AGAP6: variants seen among roughly 807,000 people sequenced by gnomAD.
The protein encoded by AGAP6 is ArfGAP with GTPase domain, ankyrin repeat and PH domain 6.
AGAP6 carries 29 observed loss-of-function variants against 63.9 expected under a neutral mutation model. The observed-to-expected ratio is 0.45, with a 90% confidence interval of 0.34 to 0.62. The LOEUF (loss-of-function observed/expected upper bound fraction) is 0.62, where lower values mean the gene tolerates loss of function less well. Among genes scored for constraint, AGAP6 ranks in the 20% least tolerant of loss-of-function variants. AGAP6 has a pLI of 0.01. For synonymous variants in AGAP6, 199 were observed against 332.9 expected, an observed-to-expected ratio of 0.60 and a Z score of 4.38; for missense variants, 493 against 884.9, an observed-to-expected ratio of 0.56 and a Z score of 5.62.
chr10:49,998,708 G>T (rs1489292034), intron 4 of AGAP6, among the ~76,000 whole-genome samples: 1 of 141,892 alleles, frequency 7.0e-6, no homozygotes, highest in Non-Finnish European at 1.5e-5. Flanking sequence ...GTTCTTGTTT[G>T]GTCCATATAA....
At chr10:50,004,245 T>C (rs1443850741) in intron 5 of AGAP6, among the ~76,000 whole-genome samples, 1 of 148,234 alleles carries the variant, frequency 6.7e-6, no homozygotes, top group East Asian at 2.0e-4. Context: ...AGTCCCAGCT[T>C]CTTGGGAGGC....
intron 4 of AGAP6, among the ~76,000 whole-genome samples, chr10:49,996,789 G>C (rs1841508364): frequency 1.3e-5 from 2 of 151,076 alleles, no homozygotes; most frequent in Admixed American, 1.3e-4. Context: ...AGTGCCATTG[G>C]CCTGTAAGTT....
chr10:50,002,119 G>A (rs1345485325), intron 5 of AGAP6, 23 bp downstream of exon 5: 3 of 1,593,708 alleles, frequency 1.9e-6, no homozygotes, highest in Non-Finnish European at 2.6e-6. Context: ...ATGCTGCCGA[G>A]GGACAGATTC....
Position 50,009,241 on chromosome 10 carries a change from T to A in AGAP6, c.1116T>A (p.Gly372=). The change falls in exon 8 of 8, where the codon GGT becomes GGA. Residue 372 remains glycine (G), a synonymous_variant. Coordinates refer to ENST00000412531, the MANE Select transcript of AGAP6 (RefSeq NM_001077665.3). ...GLSKDMDTGL[G]DSICFSPSIS... ...CCAAGGACATGGACACCGGGCTGGG[T>A]GACTCCATATGCTTCAGCCCCAGTA... 6.2e-7 allele frequency: 1 copy of A among 1,614,142 alleles called. No individual in the cohort carries two copies. The highest frequency in any genetic ancestry group is 8.5e-7 in the Non-Finnish European group (1 of 1,180,024).
At chr10:50,005,029 G>GA (rs1554863617) in intron 6 of AGAP6, among the ~76,000 whole-genome samples, 1 of 152,156 alleles carries the variant, frequency 6.6e-6, no homozygotes, top group Non-Finnish European at 1.5e-5. Flanking sequence ...TTATGGGCTA[G>GA]ATAATGCTTT....
chr10:49,990,985 A>G (rs1240603123), intron 2 of AGAP6, among the ~76,000 whole-genome samples: 3 of 152,096 alleles, frequency 2.0e-5, no homozygotes, highest in African/African-American at 7.2e-5. Context: ...GTTACACACC[A>G]GTTAGTAGAT....
rs1375694457 is a variant in AGAP6, at chr10:49,999,646, A to T, written c.397-2350A>T. 5.5e-5 allele frequency among the ~76,000 whole-genome samples: 7 copies of T among 126,674 alleles called. 1 individual carries two copies. Among genetic ancestry groups the T allele is most frequent in the Admixed American group, 1.9e-4 (2 of 10,592 alleles). 83.1% of individuals were successfully genotyped at this position (126,674 alleles called of 152,430 possible). On this transcript the variant is annotated intron_variant, in intron 4 of 7. Coordinates refer to ENST00000412531, the MANE Select transcript of AGAP6 (RefSeq NM_001077665.3). ...CACACAAGAGAAAACAATAAAAGGC[A>T]TGCAGATCAGTAAAGAGGAAGTCAA...
chr10:50,001,958 C>T (rs1554862975), intron 4 of AGAP6, 38 bp from the exon 5 acceptor site: 3 of 1,607,840 alleles, frequency 1.9e-6, no homozygotes, highest in East Asian at 2.2e-5. Context: ...AAATAATACA[C>T]TTTGATAAGT....
Position 49,996,540 on chromosome 10 carries a change from A to G in AGAP6, c.396+2111A>G, listed in dbSNP as rs1202015710. Among the ~76,000 whole-genome samples, 94 of 151,806 alleles carry G rather than the reference A, an allele frequency of 6.2e-4. 1 individual carries two copies. The highest frequency in any genetic ancestry group is 2.2e-3 in the African/African-American group (91 of 41,332). On this transcript the variant is annotated intron_variant, in intron 4 of 7. Coordinates refer to ENST00000412531, the MANE Select transcript of AGAP6 (RefSeq NM_001077665.3). ...AAAGTAAAAGCAGGCCTGGAAAGGAAAAGCAGAGTTAGCGAAGAAAGTTGG... is the reference window on the plus strand; with the variant it reads ...AAAGTAAAAGCAGGCCTGGAAAGGAGAAGCAGAGTTAGCGAAGAAAGTTGG...
At chr10:49,990,349 G>A (rs1161760545) in intron 2 of AGAP6, among the ~76,000 whole-genome samples, 3 of 152,208 alleles carry the variant, frequency 2.0e-5, no homozygotes, top group South Asian at 2.1e-4. Flanking sequence ...CAAGGCTGAG[G>A]CAGGAGAATT....
chr10:49,990,177 G>A (rs1365599727), intron 2 of AGAP6, among the ~76,000 whole-genome samples: 4 of 152,142 alleles, frequency 2.6e-5, no homozygotes, highest in Non-Finnish European at 5.9e-5. Context: ...GGTGGCTCAC[G>A]CCTGTAATCC....
Position 50,005,609 on chromosome 10 carries a change from TAAAC to T in AGAP6, c.533+901_533+904del, listed in dbSNP as rs1255961062. Among the ~76,000 whole-genome samples the T allele has an allele frequency of 3.0e-4, 46 of 151,996 alleles. No individual in the cohort carries two copies. In the South Asian group the frequency reaches 5.2e-3, roughly 17 times the overall value. ...CTGGGTGACAGAGCAAGACTCTGTC[TAAAC>T]AAACAAACAAAAAAAGCAATAAGCT... On this transcript the variant is annotated intron_variant, in intron 6 of 7. Coordinates refer to ENST00000412531, the MANE Select transcript of AGAP6 (RefSeq NM_001077665.3).
chr10:49,991,391 T>TG (rs1554860860), intron 2 of AGAP6, among the ~76,000 whole-genome samples: 3 of 149,078 alleles, frequency 2.0e-5, no homozygotes, highest in South Asian at 4.2e-4. Flanking sequence ...TCTGTTTTTT[T>TG]TTTTTTTTTT....
At chr10:50,004,150 A>T (rs2132152458) in intron 5 of AGAP6, among the ~76,000 whole-genome samples, 1 of 150,866 alleles carries the variant, frequency 6.6e-6, no homozygotes, top group Admixed American at 6.6e-5. Flanking sequence ...ACACCATTGC[A>T]CTCCAGCCTG....
intron 4 of AGAP6, among the ~76,000 whole-genome samples, chr10:49,996,974 C>T (rs1162064230): frequency 1.4e-5 from 2 of 144,448 alleles, no homozygotes; most frequent in Non-Finnish European, 3.0e-5. Flanking sequence ...TGGGTGTAAC[C>T]TTTATTTTAT....
At chr10:50,008,272 T>C (rs139171183) in intron 7 of AGAP6, among the ~76,000 whole-genome samples, 196 bp downstream of exon 7, 9,688 of 150,850 alleles carry the variant, frequency 0.064, 434 homozygotes, top group African/African-American at 0.11. Context: ...TGAGTAAATA[T>C]ACTATCCAAA....
At position 50,009,819 on chromosome 10, in the gene AGAP6, G is replaced by A. The variant is rs201531094; in HGVS notation, c.1694G>A (p.Arg565Gln). ...AAGTCCACGAGGGAAGAGAAGGAAC[G>A]GTGGATCCGTTCCAAATATGAGGAG... ...SEKSTREEKE[R>Q]WIRSKYEEKL... Residue 565 changes from arginine (R) to glutamine (Q), a missense_variant, in exon 8 of 8, where the codon CGG (arginine) becomes CAG (glutamine). Around this residue, in one of 7 missense-constraint regions of AGAP6, gnomAD observed 2 missense variants for 19.7 expected, o/e 0.10. Transcript: ENST00000412531. The A allele has an allele frequency of 0.055, 88,139 of 1,608,590 alleles. 2,580 individuals are homozygous for A. The highest frequency in any genetic ancestry group is 0.066 in the Non-Finnish European group (77,627 of 1,179,032).
rs1842008203 is a variant in AGAP6 at position 50,008,822 on chromosome 10, G to A, written c.697G>A (p.Val233Ile). The A allele has an allele frequency of 3.7e-6, 6 of 1,614,062 alleles. No individual in the cohort carries two copies. Among genetic ancestry groups the A allele is most frequent in the African/African-American group, 1.3e-5 (1 of 75,022 alleles). ...CAGCCAGGAGGACCCTCAGTTCAGTGTTCCTCCCACTGCCAACACACCCAC... is the reference window on the plus strand; with the variant it reads ...CAGCCAGGAGGACCCTCAGTTCAGTATTCCTCCCACTGCCAACACACCCAC... ...STSQEDPQFSVPPTANTPTPV... is the reference protein window; with the variant it reads ...STSQEDPQFSIPPTANTPTPV... Residue 233 changes from valine (V) to isoleucine (I), a missense_variant, in exon 8 of 8, where the codon GTT becomes ATT. By Grantham distance (29) the Val-to-Ile change is conservative (BLOSUM62 3). Around this residue, in one of 7 missense-constraint regions of AGAP6, gnomAD observed 342 missense variants for 533.4 expected, o/e 0.64. Coordinates refer to ENST00000412531, the MANE Select transcript of AGAP6 (RefSeq NM_001077665.3).
At chr10:50,006,308 A>G (rs1394651191) in intron 6 of AGAP6, among the ~76,000 whole-genome samples, 2 of 152,374 alleles carry the variant, frequency 1.3e-5, no homozygotes, top group Non-Finnish European at 2.9e-5. Flanking sequence ...CAAGTTTTTC[A>G]AAGTCCAGAG....
Sources: allele counts gnomAD v4.1 joint callset (sites outside exome capture counted in the v4.1 genomes callset), GRCh38; gene constraint gnomAD v4.1.1; regional missense constraint gnomAD v4.1.1; transcripts MANE v1.5; gene names NCBI Gene and HGNC (gene_info 2026-07-23, HGNC 2026-07-21).